The following KCNH7 variants were observed in gnomAD, a reference collection of about 807,000 sequenced individuals.
KCNH7 encodes potassium voltage-gated channel subfamily H member 7.
KCNH7 carries 49 observed loss-of-function variants against 120.8 expected under a neutral mutation model. That is an observed-to-expected ratio of 0.41 (90% CI 0.32 to 0.51). KCNH7 has a LOEUF of 0.51. Ranked by LOEUF, KCNH7 falls within the 20% of genes least tolerant of loss-of-function variation. KCNH7 has a pLI of 0.38. For synonymous variants in KCNH7, 547 were observed against 516.1 expected (o/e 1.06, Z -0.81); for missense variants, 1,097 against 1,446.6 (o/e 0.76, Z 3.92).
chr2:162,751,604 A>AATTGAT (rs546907339), intron 2 of KCNH7, among the ~76,000 whole-genome samples: 225 of 151,996 alleles, frequency 1.5e-3, no homozygotes, highest in African/African-American at 5.2e-3. Flanking sequence ...AAAAACTCAT[A>AATTGAT]ATTGATATGT....
intron 2 of KCNH7, among the ~76,000 whole-genome samples, chr2:162,738,945 T>C (rs1688018181): frequency 6.6e-6 from 1 of 152,138 alleles, no homozygotes; most frequent in African/African-American, 2.4e-5. Context: ...CTCAGCCTAA[T>C]TTCTAGTTCA....
chr2:162,655,001 A>G (rs1684695760), intron 2 of KCNH7, among the ~76,000 whole-genome samples: 1 of 152,166 alleles, frequency 6.6e-6, no homozygotes, highest in South Asian at 2.1e-4. Flanking sequence ...GGATTAGGAG[A>G]TGTTGATCAA....
intron 6 of KCNH7, among the ~76,000 whole-genome samples, chr2:162,494,067 G>A (rs1690414569): frequency 6.6e-6 from 1 of 152,130 alleles, no homozygotes; most frequent in South Asian, 2.1e-4. Context: ...AGGTTTACAA[G>A]AATCTCACTG....
chr2:162,618,544 C>A (rs1284508397), intron 2 of KCNH7, among the ~76,000 whole-genome samples: 1 of 151,986 alleles, frequency 6.6e-6, no homozygotes. Context: ...AAACTATATC[C>A]AATTTTACTT....
chr2:162,778,946 C>CTTTTTTTTTTTTTTTT (rs200107249), intron 2 of KCNH7, among the ~76,000 whole-genome samples: 2 of 136,492 alleles, frequency 1.5e-5, no homozygotes, highest in African/African-American at 5.4e-5. Flanking sequence ...GGAACAAATT[C>CTTTTTTTTTTTTTTTT]TTTTTTTTTT....
chr2:162,465,485 C>T (rs769378164), intron 6 of KCNH7, among the ~76,000 whole-genome samples: 7 of 152,046 alleles, frequency 4.6e-5, no homozygotes, highest in Non-Finnish European at 8.8e-5. Context: ...AGGCAATTGC[C>T]GTGGCAGTAC....
At chr2:162,755,823 A>C (rs1688769433) in intron 2 of KCNH7, among the ~76,000 whole-genome samples, 1 of 152,206 alleles carries the variant, frequency 6.6e-6, no homozygotes, top group South Asian at 2.1e-4. Flanking sequence ...TTTTGGAAAA[A>C]AAATCATTGG....
At chr2:162,520,674 T>G (rs1227269573) in intron 3 of KCNH7, among the ~76,000 whole-genome samples, 1 of 151,738 alleles carries the variant, frequency 6.6e-6, no homozygotes, top group African/African-American at 2.4e-5. Flanking sequence ...GAGGCTGCAG[T>G]GGGAGGATAG....
Position 162,518,001 on chromosome 2 carries a change from G to A in KCNH7, c.621C>T (p.Ser207=). The A allele has an allele frequency of 3.1e-6, 5 of 1,612,530 alleles. No homozygotes were observed. Among genetic ancestry groups the A allele is most frequent in the East Asian group, 2.2e-5 (1 of 44,770 alleles). Residue 207 remains serine (S), a synonymous_variant, in exon 4 of 16, where the codon AGC becomes AGT. Coordinates refer to ENST00000332142, the MANE Select transcript of KCNH7 (RefSeq NM_033272.4). ...MKHFKSPTKE[S]CSPSEADDTK... ...TGTCATCTGCTTCAGAGGGGCTGCA[G>A]CTTTCTTTTGTAGGAGACTTAAAAT...
intron 2 of KCNH7, among the ~76,000 whole-genome samples, chr2:162,603,301 A>G (rs1694622676): frequency 6.6e-6 from 1 of 152,098 alleles, no homozygotes; most frequent in Non-Finnish European, 1.5e-5. Context: ...GGTGGTTTTT[A>G]TAATTTATTT....
intron 2 of KCNH7, among the ~76,000 whole-genome samples, chr2:162,799,588 T>C (rs1184325606): frequency 6.6e-6 from 1 of 152,028 alleles, no homozygotes; most frequent in Non-Finnish European, 1.5e-5. Flanking sequence ...ACAATATTCA[T>C]AAAATTAGAA....
intron 2 of KCNH7, among the ~76,000 whole-genome samples, chr2:162,777,402 T>C (rs1683281874): frequency 6.6e-6 from 1 of 152,072 alleles, no homozygotes; most frequent in Non-Finnish European, 1.5e-5. Context: ...TCTGTACATG[T>C]TTAGTACAGA....
intron 2 of KCNH7, among the ~76,000 whole-genome samples, chr2:162,803,986 A>C (rs1415869102): frequency 6.6e-6 from 1 of 151,864 alleles, no homozygotes; most frequent in Non-Finnish European, 1.5e-5. Context: ...TTCACTTTTG[A>C]AAGTAAAAGT....
chr2:162,814,395 A>G (rs1188185033), intron 2 of KCNH7, among the ~76,000 whole-genome samples: 4 of 152,188 alleles, frequency 2.6e-5, no homozygotes, highest in African/African-American at 9.6e-5. Flanking sequence ...CTTGTTTTCC[A>G]TGAGGCTTAA....
intron 2 of KCNH7, among the ~76,000 whole-genome samples, chr2:162,665,670 C>A (rs956444233): frequency 6.6e-6 from 1 of 152,082 alleles, no homozygotes; most frequent in Non-Finnish European, 1.5e-5. Flanking sequence ...GCAACTCATT[C>A]TTGGGTTGTT....
At chr2:162,424,570 A>G (rs532787009) in intron 8 of KCNH7, among the ~76,000 whole-genome samples, 1 of 152,332 alleles carries the variant, frequency 6.6e-6, no homozygotes, top group Non-Finnish European at 1.5e-5. Flanking sequence ...GAAGTGTTTA[A>G]TTAAAGTAAA....
intron 2 of KCNH7, among the ~76,000 whole-genome samples, chr2:162,551,286 C>T (rs893028758): frequency 2.0e-5 from 3 of 152,006 alleles, no homozygotes; most frequent in African/African-American, 4.8e-5. Context: ...TTAAAAGCAC[C>T]ACAATGTGTT....
Position 162,373,602 on chromosome 2 carries a change from G to A in KCNH7, c.3192C>T (p.Thr1064=). ...TACTGTAGGCTGGGGGGACCACAGT[G>A]GTTTGTTTCTGCAGCAACTGTAAGA... ...QTILQLLQKQ[T]TVVPPAYSMV... The change falls in exon 15 of 16, where the codon ACC becomes ACT. Residue 1064 remains threonine, a synonymous_variant. Coordinates refer to ENST00000332142, the MANE Select transcript of KCNH7 (RefSeq NM_033272.4). 6.4e-7 allele frequency: 1 copy of A among 1,572,112 alleles called. No homozygotes were observed. Among genetic ancestry groups the A allele is most frequent in the South Asian group, 1.2e-5 (1 of 85,502 alleles).
intron 2 of KCNH7, among the ~76,000 whole-genome samples, chr2:162,671,794 T>G (rs1245676523): frequency 6.6e-6 from 1 of 151,894 alleles, no homozygotes; most frequent in Non-Finnish European, 1.5e-5. Flanking sequence ...GCAAATTGAA[T>G]CAAAGGAAAG....
Sources: gnomAD v4.1 joint callset for allele counts (sites outside exome capture counted in the v4.1 genomes callset) on GRCh38, gnomAD v4.1.1 for gene constraint, MANE v1.5 for transcripts, NCBI Gene and HGNC (gene_info 2026-07-23, HGNC 2026-07-21) for gene names.